POLA2: variants seen among roughly 807,000 people sequenced by gnomAD.
The protein encoded by POLA2 is DNA polymerase alpha 2, accessory subunit.
In POLA2, 47 loss-of-function variants were observed where a neutral mutation model predicts 82.8. That is an observed-to-expected ratio of 0.57 (90% CI 0.45 to 0.72). POLA2 has a LOEUF of 0.72. POLA2 is among the 30% of genes least tolerant of loss of function. The pLI, the probability that POLA2 is intolerant of heterozygous loss-of-function variation, is 0.00. For missense variants in POLA2, 634 were observed against 728.1 expected (o/e 0.87, Z 1.49); for synonymous variants, 287 against 286.8 (o/e 1.00, Z -0.01).
chr11:65,267,256 G>A (rs943186387), intron 2 of POLA2, among the ~76,000 whole-genome samples: 1 of 152,122 alleles, frequency 6.6e-6, no homozygotes, highest in African/African-American at 2.4e-5. Flanking sequence ...ATGCCCAGCA[G>A]GTGATAAGTC....
In POLA2 at chr11:65,289,861, A is replaced by C. The variant is rs776547900; in HGVS notation, c.1233A>C (p.Glu411Asp). 1.3e-6 allele frequency: 2 copies of C among 1,599,802 alleles called. No homozygotes were observed. Among genetic ancestry groups the C allele is most frequent in the Admixed American group, 3.3e-5 (2 of 59,994 alleles). The change falls in exon 13 of 18, where the codon GAA (glutamate) becomes GAC (aspartate). Residue 411 changes from glutamate (E) to aspartate (D), a missense_variant. Physicochemically the swap from Glu to Asp is conservative, Grantham distance 45. Coordinates refer to ENST00000265465, the MANE Select transcript of POLA2 (RefSeq NM_002689.4). ...AGCAGTGTCTACGAACAATTATTGA[A>C]GGCACAAGAAGGTCAGATTTCAAAA... is the stretch of plus-strand genomic sequence containing the variant. The part of the protein sequence containing the change: ...IFKQCLRTII[E>D]GTRSSGSHLV...
At chr11:65,284,548 GAC>G (rs1949675702) in intron 10 of POLA2, among the ~76,000 whole-genome samples, 1 of 135,714 alleles carries the variant, frequency 7.4e-6, no homozygotes, top group South Asian at 2.3e-4. Flanking sequence ...TTTTTTTTTA[GAC>G]AGAGTTTCAC....
intron 4 of POLA2, 55 bp downstream of exon 4, chr11:65,268,784 T>G: frequency 1.7e-6 from 2 of 1,184,366 alleles, no homozygotes; most frequent in Non-Finnish European, 2.4e-6. Flanking sequence ...TAAAATAGTT[T>G]CACAACATTT....
intron 4 of POLA2, among the ~76,000 whole-genome samples, chr11:65,269,481 C>T (rs1296109218): frequency 3.4e-5 from 5 of 147,184 alleles, no homozygotes; most frequent in African/African-American, 7.6e-5. Context: ...AGCGAGACTC[C>T]GTCTCAAAAA....
At chr11:65,263,144 G>A (rs755473492) in intron 1 of POLA2, among the ~76,000 whole-genome samples, 1 of 150,790 alleles carries the variant, frequency 6.6e-6, no homozygotes, top group Non-Finnish European at 1.5e-5. Context: ...ATAACGAAAC[G>A]TTAATTTATG....
chr11:65,297,153 C>T lies in POLA2; in HGVS notation c.1681C>T (p.Arg561Cys), dbSNP rs771311968. 10 of 1,614,106 alleles carry T rather than the reference C, an allele frequency of 6.2e-6. No individual in the cohort carries two copies. Among genetic ancestry groups the T allele is most frequent in the Non-Finnish European group, 8.5e-6 (10 of 1,180,006 alleles). Residue 561 changes from arginine (R) to cysteine (C), a missense_variant, in exon 18 of 18, where the codon CGC becomes TGC. Arg to Cys is a radical substitution (Grantham distance 180). Coordinates refer to ENST00000265465, the MANE Select transcript of POLA2 (RefSeq NM_002689.4). ...CGGCTGTGTCTGTGTGAACCCTGGG[C>T]GCCTTACCAAAGGGCAGGTGGGAGG... ...VLGCVCVNPG[R>C]LTKGQVGGTF...
At chr11:65,287,319 A>G (rs1355469740) in intron 10 of POLA2, among the ~76,000 whole-genome samples, 1 of 152,114 alleles carries the variant, frequency 6.6e-6, no homozygotes, top group East Asian at 1.9e-4. Flanking sequence ...ACACTGGACG[A>G]CCAGACATTT....
Position 65,278,463 on chromosome 11 carries a change from A to G in POLA2, c.462-267A>G, listed in dbSNP as rs181478084. The stretch of plus-strand genomic sequence containing the variant: ...TTTGCCTTGCTTAGTTTTAATGCCA[A>G]GAGAACGACAACTTTTTAAAATACG... On this transcript the variant is annotated intron_variant, in intron 5 of 17. Coordinates refer to ENST00000265465, the MANE Select transcript of POLA2 (RefSeq NM_002689.4). Among the ~76,000 whole-genome samples, 8 of 152,358 alleles carry G rather than the reference A, an allele frequency of 5.3e-5. No homozygotes were observed. In the East Asian group the frequency reaches 9.6e-4, roughly 18 times the overall value.
At chr11:65,270,170 A>G (rs373178167) in intron 4 of POLA2, among the ~76,000 whole-genome samples, 11 of 152,290 alleles carry the variant, frequency 7.2e-5, no homozygotes, top group African/African-American at 2.6e-4. Context: ...AATTTGTAGA[A>G]ATTCATAAAC....
At chr11:65,264,402 A>C (rs902090490) in intron 1 of POLA2, among the ~76,000 whole-genome samples, 17 of 151,826 alleles carry the variant, frequency 1.1e-4, no homozygotes, top group African/African-American at 3.4e-4. Context: ...ACAAGGTTTC[A>C]CCATGTTGGC....
Position 65,289,099 on chromosome 11 carries a change from TG to T in POLA2, c.1170+15del, listed in dbSNP as rs1354255279. Reference sequence around the variant, plus strand: ...CATGAACAGGTGGAGGTGAGTGGGCTGGGGTGGGAAGGGGTCCTGGGTACTT... The same window carrying T: ...CATGAACAGGTGGAGGTGAGTGGGCTGGGTGGGAAGGGGTCCTGGGTACTT... On this transcript the variant is annotated intron_variant, in intron 12 of 17. Coordinates refer to ENST00000265465, the MANE Select transcript of POLA2 (RefSeq NM_002689.4). The T allele has an allele frequency of 5.0e-6, 8 of 1,602,512 alleles. No homozygotes were observed. The highest frequency in any genetic ancestry group is 6.8e-6 in the Non-Finnish European group (8 of 1,170,588).
chr11:65,276,056 GCTAT>G, intron 5 of POLA2, 58 bp downstream of exon 5: 1 of 909,664 alleles, frequency 1.1e-6, no homozygotes, highest in Non-Finnish European at 1.7e-6. Flanking sequence ...CCTTTCTCTG[GCTAT>G]CTGAGGAAGG....
intron 7 of POLA2, 73 bp downstream of exon 7, chr11:65,279,699 T>C (rs772696440): frequency 1.9e-6 from 2 of 1,057,816 alleles, no homozygotes; most frequent in Non-Finnish European, 2.9e-6. Flanking sequence ...GCATCCTTCT[T>C]GCTTCCTTTT....
At chr11:65,305,542 T>C in exon 9 of POLA2, 1 of 382,742 alleles carries the variant, frequency 2.6e-6, no homozygotes, top group South Asian at 2.0e-5. Context: ...GGCACGGTGG[T>C]GCGTGCCTGT....
intron 4 of POLA2, among the ~76,000 whole-genome samples, chr11:65,275,472 G>A (rs1336804030): frequency 6.6e-6 from 1 of 151,956 alleles, no homozygotes; most frequent in Non-Finnish European, 1.5e-5. Flanking sequence ...GAAAATGTAT[G>A]GTAGACTTTG....
Position 65,293,688 on chromosome 11 carries a change from T to C in POLA2, c.1245-465T>C, listed in dbSNP as rs551517802. ...CCCTAGGAAAAATGCCCCAGCTCCA[T>C]GCACCCTACCAAGGTGTGGCAGGGA... On this transcript the variant is annotated intron_variant, in intron 13 of 17. Transcript: ENST00000265465. Among the ~76,000 whole-genome samples the C allele has an allele frequency of 3.1e-4, 47 of 151,528 alleles. No individual in the cohort carries two copies. The South Asian group carries it at 4.8e-3, about 15-fold the overall frequency.
intron 4 of POLA2, among the ~76,000 whole-genome samples, chr11:65,269,920 C>T (rs899850840): frequency 2.6e-5 from 4 of 152,156 alleles, no homozygotes; most frequent in East Asian, 1.9e-4. Flanking sequence ...CTGCAACCTC[C>T]GCCTCCCGGG....
downstream of POLA2, among the ~76,000 whole-genome samples, chr11:65,299,849 G>A (rs547521162): frequency 3.2e-4 from 49 of 151,500 alleles, no homozygotes; most frequent in African/African-American, 1.1e-3. Flanking sequence ...CTGCCACCAC[G>A]CCCAGCTAAT....
At chr11:65,276,280 T>C (rs1364420050) in intron 5 of POLA2, among the ~76,000 whole-genome samples, 2 of 152,190 alleles carry the variant, frequency 1.3e-5, no homozygotes, top group African/African-American at 2.4e-5. Context: ...GAAAACAACC[T>C]GTCTATTCAG....
Sources: gnomAD v4.1 joint callset for allele counts (sites outside exome capture counted in the v4.1 genomes callset) on GRCh38, gnomAD v4.1.1 for gene constraint, MANE v1.5 for transcripts, NCBI Gene and HGNC (gene_info 2026-07-23, HGNC 2026-07-21) for gene names.